The following ARHGAP17 variants were observed in gnomAD, a reference collection of about 807,000 sequenced individuals.
The protein encoded by ARHGAP17 is Rho GTPase activating protein 17.
In ARHGAP17, 57 loss-of-function variants were observed where a neutral mutation model predicts 99.5. The observed-to-expected ratio is 0.57, with a 90% CI of 0.46 to 0.71. The LOEUF is 0.71. Ranked by LOEUF, ARHGAP17 falls within the 30% of genes least tolerant of loss-of-function variation. The pLI is 0.00. For missense variants in ARHGAP17, 1,000 were observed against 1,122.4 expected, an observed-to-expected ratio of 0.89 and a Z score of 1.56; for synonymous variants, 417 against 429.6, an observed-to-expected ratio of 0.97 and a Z score of 0.36.
intron 1 of ARHGAP17, among the ~76,000 whole-genome samples, chr16:25,006,243 C>A (rs1338318046): frequency 6.6e-6 from 1 of 151,434 alleles, no homozygotes; most frequent in African/African-American, 2.4e-5. Flanking sequence ...CAGTTCCAGA[C>A]CAGCCTGGCC....
chr16:24,993,226 G>A (rs888536442), intron 1 of ARHGAP17, among the ~76,000 whole-genome samples: 2 of 152,070 alleles, frequency 1.3e-5, no homozygotes. Context: ...TGTTATGAAA[G>A]CACTTTTACC....
intron 19 of ARHGAP17, among the ~76,000 whole-genome samples, chr16:24,921,516 C>T (rs150899926): frequency 1.3e-5 from 2 of 152,234 alleles, no homozygotes; most frequent in East Asian, 1.9e-4. Flanking sequence ...TTCTGTTCGA[C>T]CTGCTCCCGT....
chr16:24,947,405 T>C (rs1597388828), intron 14 of ARHGAP17, 77 bp downstream of exon 14: 2 of 1,275,638 alleles, frequency 1.6e-6, no homozygotes, highest in Non-Finnish European at 2.2e-6. Flanking sequence ...CTAGAATGTG[T>C]AACCTGAGTT....
At chr16:25,007,468 C>T (rs1389234999) in intron 1 of ARHGAP17, among the ~76,000 whole-genome samples, 1 of 152,136 alleles carries the variant, frequency 6.6e-6, no homozygotes, top group African/African-American at 2.4e-5. Flanking sequence ...CAGGCTCAAG[C>T]GATCCTCCCA....
In ARHGAP17 at chr16:24,990,968, T is replaced by C. The variant is rs116619859; in HGVS notation, c.54-11963A>G. Among the ~76,000 whole-genome samples, 1,085 of 152,148 alleles carry C rather than the reference T, an allele frequency of 7.1e-3. 18 individuals are homozygous for C. Among genetic ancestry groups the C allele is most frequent in the African/African-American group, 0.024 (1,015 of 41,510 alleles). On this transcript the variant is annotated intron_variant, in intron 1 of 19. Coordinates refer to ENST00000289968, the MANE Select transcript of ARHGAP17 (RefSeq NM_001006634.3). ...CCTGTGTCCTAGGCCATAAACACAT[T>C]TCAGAAGGAGCTGATGTGCATGATT...
intron 17 of ARHGAP17, 133 bp downstream of exon 17, chr16:24,939,231 G>T: frequency 1.3e-6 from 1 of 773,982 alleles, no homozygotes. Flanking sequence ...TTGCCAACCA[G>T]AGGAGTGAAA....
At position 24,919,788 on chromosome 16, in the gene ARHGAP17, C is replaced by G. The variant is rs550007474; in HGVS notation, c.*342G>C. Reference sequence around the variant, plus strand: ...ACTGCTTCTTACTCATTCCAAGTTGCTGTAGGTGCTGCCCGCATTAACAGC... The same window carrying G: ...ACTGCTTCTTACTCATTCCAAGTTGGTGTAGGTGCTGCCCGCATTAACAGC... On this transcript the variant is annotated 3_prime_UTR_variant, in exon 20 of 20. Transcript: ENST00000289968. The G allele has an allele frequency of 5.5e-6, 1 of 183,344 alleles. No individual in the cohort carries two copies. Among genetic ancestry groups the G allele is most frequent in the East Asian group, 1.4e-4 (1 of 7,172 alleles). 11.4% of individuals were successfully genotyped at this position (183,344 alleles called of 1,614,324 possible).
At chr16:24,956,245 C>T (rs1230334094) in intron 9 of ARHGAP17, 2 of 152,248 alleles carry the variant, frequency 1.3e-5, no homozygotes, top group Non-Finnish European at 2.9e-5. Context: ...TCTGCTGGAA[C>T]TTTCTAGTAA....
intron 1 of ARHGAP17, among the ~76,000 whole-genome samples, chr16:25,008,360 A>G (rs537306943): frequency 1.3e-5 from 2 of 152,368 alleles, no homozygotes; most frequent in South Asian, 2.1e-4. Flanking sequence ...GAAGTATTAC[A>G]TAACAACAAT....
chr16:24,986,062 C>T (rs2052859305), intron 1 of ARHGAP17, among the ~76,000 whole-genome samples: 1 of 152,174 alleles, frequency 6.6e-6, no homozygotes, highest in South Asian at 2.1e-4. Context: ...GGACTGAAGA[C>T]AGTTGAAGAC....
At chr16:24,999,398 G>A (rs2053295070) in intron 1 of ARHGAP17, among the ~76,000 whole-genome samples, 1 of 133,364 alleles carries the variant, frequency 7.5e-6, no homozygotes, top group Non-Finnish European at 1.7e-5. Flanking sequence ...ATCTACAGGT[G>A]TTTTATTTAT....
intron 3 of ARHGAP17, among the ~76,000 whole-genome samples, chr16:24,975,449 G>T (rs1384228613): frequency 1.3e-5 from 2 of 152,148 alleles, no homozygotes; most frequent in South Asian, 2.1e-4. Context: ...GCAGAAGAAG[G>T]CAACAGAAGG....
At chr16:24,966,728 G>A (rs2052197685) in intron 6 of ARHGAP17, among the ~76,000 whole-genome samples, 1 of 152,088 alleles carries the variant, frequency 6.6e-6, no homozygotes, top group African/African-American at 2.4e-5. Context: ...AGGTTGCAGT[G>A]AGCTATGATC....
At chr16:24,954,948 C>A in intron 9 of ARHGAP17, 1 of 568,880 alleles carries the variant, frequency 1.8e-6, no homozygotes, top group South Asian at 2.5e-5. Flanking sequence ...GAAGCCTGAG[C>A]GTACCTAGAT....
At chr16:24,983,399 T>A (rs1018026108) in intron 1 of ARHGAP17, among the ~76,000 whole-genome samples, 2 of 151,884 alleles carry the variant, frequency 1.3e-5, no homozygotes, top group Non-Finnish European at 2.9e-5. Flanking sequence ...ACTCCTAGGT[T>A]CAAGCTATCC....
chr16:24,976,091 C>T (rs924911268), intron 3 of ARHGAP17, among the ~76,000 whole-genome samples: 9 of 152,336 alleles, frequency 5.9e-5, no homozygotes, highest in African/African-American at 2.2e-4. Context: ...CTCCTCACCC[C>T]ACCTCACCCC....
rs201915040 is a variant in ARHGAP17, at chr16:24,942,338, CAG to C, written c.1334-197_1334-196del. On this transcript the variant is annotated intron_variant, in intron 15 of 19. Transcript: ENST00000289968. Reference sequence around the variant, plus strand: ...GGGAAGTAATGTTAAGAGGACAAGACAGGGGAAGAAGTATGGGTCAGAATATA... The same window carrying C: ...GGGAAGTAATGTTAAGAGGACAAGACGGGAAGAAGTATGGGTCAGAATATA... Among the ~76,000 whole-genome samples the C allele has an allele frequency of 7.7e-3, 1,176 of 152,204 alleles. 15 individuals are homozygous for C. Among genetic ancestry groups the C allele is most frequent in the African/African-American group, 0.025 (1,050 of 41,502 alleles).
rs753278765 is a variant in ARHGAP17, at chr16:24,930,906, C to T, written c.2393G>A (p.Arg798Lys). ...CCGGTTCCTTGGCTTTGGTACTGGT[C>T]TCGGTCTCGGTAAGGTTCCAGCATG... ...QPHAGTLPRP[R>K]PVPKPRNRPS... Residue 798 changes from arginine to lysine, a missense_variant, in exon 19 of 20, where the codon AGA (arginine) becomes AAA (lysine). Physicochemically the swap from Arg to Lys is conservative, Grantham distance 26. Coordinates refer to ENST00000289968, the MANE Select transcript of ARHGAP17 (RefSeq NM_001006634.3). 3.1e-6 allele frequency: 5 copies of T among 1,613,746 alleles called. No individual in the cohort carries two copies. Among genetic ancestry groups the T allele is most frequent in the Non-Finnish European group, 4.2e-6 (5 of 1,179,944 alleles).
intron 18 of ARHGAP17, among the ~76,000 whole-genome samples, chr16:24,934,867 G>A (rs1269198139): frequency 6.6e-6 from 1 of 152,216 alleles, no homozygotes; most frequent in Admixed American, 6.5e-5. Flanking sequence ...GTTCATTCAA[G>A]GAACCAAGAG....
Sources: allele counts gnomAD v4.1 joint callset (sites outside exome capture counted in the v4.1 genomes callset), GRCh38; gene constraint gnomAD v4.1.1; transcripts MANE v1.5; gene names NCBI Gene and HGNC (gene_info 2026-07-23, HGNC 2026-07-21).